Variants in PDE3A observed in about 807,000 individuals in gnomAD.
PDE3A encodes the protein cGMP-inhibited 3',5'-cyclic phosphodiesterase 3A.
Under a neutral mutation model 98.3 loss-of-function variants are expected in PDE3A, and 43 were observed. The ratio of observed to expected loss-of-function variants is 0.44; its 90% confidence interval spans 0.34 to 0.56. The LOEUF (loss-of-function observed/expected upper bound fraction) is 0.56. Among genes scored for constraint, PDE3A ranks in the 20% least tolerant of loss-of-function variants. The pLI, the probability that PDE3A is intolerant of heterozygous loss-of-function variation, is 0.01. For missense variants in PDE3A, 1,427 were observed against 1,440.7 expected, an observed-to-expected ratio of 0.99 and a Z score of 0.15; for synonymous variants, 663 against 567.9, an observed-to-expected ratio of 1.17 and a Z score of -2.38.
intron 1 of PDE3A, among the ~76,000 whole-genome samples, chr12:20,509,707 T>C (rs1373280562): frequency 6.6e-6 from 1 of 152,118 alleles, no homozygotes; most frequent in African/African-American, 2.4e-5. Context: ...TTTAATGTTT[T>C]CCTTCCGGAT....
intron 12 of PDE3A, among the ~76,000 whole-genome samples, chr12:20,647,391 T>A (rs1055973791): frequency 7.9e-5 from 12 of 151,224 alleles, no homozygotes; most frequent in Admixed American, 4.6e-4. Flanking sequence ...TATAGGTTGG[T>A]AGGATTTTAA....
chr12:20,635,170 C>A, intron 8 of PDE3A, 114 bp downstream of exon 8: 1 of 928,206 alleles, frequency 1.1e-6, no homozygotes, highest in Non-Finnish European at 1.6e-6. Context: ...CCTGTAATCC[C>A]AACATTTTGG....
At chr12:20,418,904 A>G (rs1206253061) in intron 1 of PDE3A, among the ~76,000 whole-genome samples, 1 of 152,072 alleles carries the variant, frequency 6.6e-6, no homozygotes, top group Non-Finnish European at 1.5e-5. Flanking sequence ...GCTTCTTAAT[A>G]TTCCGTATAT....
chr12:20,651,055 A>G (rs1944903610), intron 14 of PDE3A, among the ~76,000 whole-genome samples: 2 of 152,206 alleles, frequency 1.3e-5, no homozygotes, highest in Admixed American at 1.3e-4. Flanking sequence ...AATAGTTTAT[A>G]TGTATATGTA....
In PDE3A at chr12:20,683,018, G is replaced by A. The variant is rs1945836912; in HGVS notation, c.*2747G>A. Reference sequence around the variant, plus strand: ...TTGTTTTAAGGTACAGGAAATAAGAGGAATAATAGTGGCCAAAGCAATTAG... The same window carrying A: ...TTGTTTTAAGGTACAGGAAATAAGAAGAATAATAGTGGCCAAAGCAATTAG... On this transcript the variant is annotated 3_prime_UTR_variant, in exon 16 of 16. Transcript: ENST00000359062. 1 of 152,162 alleles carries A rather than the reference G, an allele frequency of 6.6e-6. No individual in the cohort carries two copies. The highest frequency in any genetic ancestry group is 1.5e-5 in the Non-Finnish European group (1 of 68,034). 9.4% of individuals were successfully genotyped at this position (152,162 alleles called of 1,614,324 possible).
chr12:20,525,504 A>G (rs900179880), intron 1 of PDE3A, among the ~76,000 whole-genome samples: 1 of 151,386 alleles, frequency 6.6e-6, no homozygotes, highest in Non-Finnish European at 1.5e-5. Context: ...GTTTCACCTT[A>G]TCACTGTGTA....
chr12:20,638,878 C>T (rs4762977), intron 9 of PDE3A, among the ~76,000 whole-genome samples: 102,038 of 151,710 alleles, frequency 0.67, 34,526 homozygotes, highest in East Asian at 0.84. Flanking sequence ...AAATATGTAT[C>T]TTATAGAAGA....
chr12:20,445,269 C>G (rs1303384918), intron 1 of PDE3A, among the ~76,000 whole-genome samples: 1 of 152,076 alleles, frequency 6.6e-6, no homozygotes, highest in Non-Finnish European at 1.5e-5. Flanking sequence ...GGTGCTTTTT[C>G]CCTGCTTTGT....
At position 20,369,789 on chromosome 12, in the gene PDE3A, G is replaced by T. The variant is rs149604740; in HGVS notation, c.505G>T (p.Gly169Trp). The stretch of plus-strand genomic sequence containing the variant: ...TGTCGCGCTGCTGGCCGCCTGCTGC[G>T]GGGGGGAAGCGCTCGTCCAGATTGG... The part of the protein sequence containing the change: ...LAVALLAACC[G>W]GEALVQIGLG... Residue 169 changes from glycine (G) to tryptophan (W), a missense_variant, in exon 1 of 16, where the codon GGG becomes TGG. By Grantham distance (184) the Gly-to-Trp change is radical. Transcript: ENST00000359062. 1.8e-4 allele frequency: 298 copies of T among 1,612,088 alleles called. No individual in the cohort carries two copies. In the African/African-American group the frequency reaches 2.3e-3, roughly 12 times the overall value.
chr12:20,645,814 C>T (rs764691963), intron 10 of PDE3A, among the ~76,000 whole-genome samples: 92 of 152,012 alleles, frequency 6.1e-4, no homozygotes, highest in Non-Finnish European at 8.1e-4. Context: ...ATCTGGTTTT[C>T]CTGTAGGTTT....
In PDE3A at chr12:20,621,526, G is replaced by T. The variant is rs73080766; in HGVS notation, c.1540+115G>T. On this transcript the variant is annotated intron_variant, in intron 5 of 15. Transcript: ENST00000359062. ...CCCTATATTCAGATATGTTTGGTTT[G>T]TCTATTCTAATAACCAATTAGTTAT... 4,257 of 620,698 alleles carry T rather than the reference G, an allele frequency of 6.9e-3. 26 individuals carry two copies. The highest frequency in any genetic ancestry group is 9.1e-3 in the Non-Finnish European group (3,162 of 347,848). 38.4% of individuals were successfully genotyped at this position (620,698 alleles called of 1,614,324 possible).
rs1361947530 is a variant in PDE3A, at chr12:20,386,162, T to TAA, written c.960+15920_960+15921dup. Among the ~76,000 whole-genome samples, 87 of 87,954 alleles carry TAA rather than the reference T, an allele frequency of 9.9e-4. 3 individuals are homozygous for TAA. Among genetic ancestry groups the TAA allele is most frequent in the Middle Eastern group, 0.011 (2 of 186 alleles). The allele number at this position is 87,954 out of a possible 152,430, so 57.7% of individuals were successfully genotyped here. A position where few individuals can be genotyped will look rare whatever the true frequency, so the allele number is the denominator to read the frequency against. ...ATATAAATATATATATAAATATATA[T>TAA]AAATATATAAAAATATATATAAATA... is the stretch of plus-strand genomic sequence containing the variant. On this transcript the variant is annotated intron_variant, in intron 1 of 15. Coordinates refer to ENST00000359062, the MANE Select transcript of PDE3A (RefSeq NM_000921.5).
At chr12:20,475,019 A>G (rs906959028) in intron 1 of PDE3A, among the ~76,000 whole-genome samples, 1 of 152,104 alleles carries the variant, frequency 6.6e-6, no homozygotes, top group African/African-American at 2.4e-5. Context: ...TTGAATCTTC[A>G]GAGGCCAGAT....
intron 1 of PDE3A, among the ~76,000 whole-genome samples, chr12:20,467,659 G>A (rs1001882075): frequency 4.6e-5 from 7 of 151,880 alleles, no homozygotes; most frequent in Non-Finnish European, 1.0e-4. Flanking sequence ...TCAATGGGCC[G>A]GGCACGGTGG....
At chr12:20,630,731 A>G (rs1944359643) in intron 6 of PDE3A, among the ~76,000 whole-genome samples, 1 of 152,196 alleles carries the variant, frequency 6.6e-6, no homozygotes, top group Non-Finnish European at 1.5e-5. Flanking sequence ...TATTTTGCCA[A>G]TGTTGTCACG....
Position 20,429,859 on chromosome 12 carries a change from ATT to A in PDE3A, c.960+59625_960+59626del, listed in dbSNP as rs112563278. 4.2e-3 allele frequency among the ~76,000 whole-genome samples: 633 copies of A among 149,788 alleles called. 18 individuals are homozygous for A. The highest frequency in any genetic ancestry group is 0.03 in the Admixed American group (444 of 15,034). On this transcript the variant is annotated intron_variant, in intron 1 of 15. Transcript: ENST00000359062. ...CATGTTCCATACATCTTAGACACTG[ATT>A]TTTTTTTTTATGTCATTTTGACATC...
At chr12:20,523,339 G>T (rs745672770) in intron 1 of PDE3A, among the ~76,000 whole-genome samples, 11 of 152,112 alleles carry the variant, frequency 7.2e-5, no homozygotes, top group Non-Finnish European at 1.2e-4. Flanking sequence ...CCCGCTGTAG[G>T]TTGTCCTTAA....
At chr12:20,411,921 T>C (rs935573611) in intron 1 of PDE3A, among the ~76,000 whole-genome samples, 1 of 148,444 alleles carries the variant, frequency 6.7e-6, no homozygotes, top group African/African-American at 2.4e-5. Flanking sequence ...AGGACCTTCA[T>C]TTCAATTTTA....
intron 1 of PDE3A, among the ~76,000 whole-genome samples, chr12:20,531,105 T>C (rs1046174868): frequency 2.6e-5 from 4 of 152,188 alleles, no homozygotes; most frequent in Non-Finnish European, 5.9e-5. Context: ...AGCTCCCCTC[T>C]TAGCTTCATC....
Sources: allele counts gnomAD v4.1 joint callset (sites outside exome capture counted in the v4.1 genomes callset), GRCh38; gene constraint gnomAD v4.1.1; transcripts MANE v1.5; gene names NCBI Gene and HGNC (gene_info 2026-07-23, HGNC 2026-07-21).